The following SNTB1 variants were observed in gnomAD, a reference collection of about 807,000 sequenced individuals.
SNTB1 encodes the protein beta-1-syntrophin.
A neutral mutation model predicts 48.9 loss-of-function variants in SNTB1; 36 were observed. The ratio of observed to expected loss-of-function variants is 0.74; its 90% CI spans 0.56 to 0.97. SNTB1 has a LOEUF of 0.97. Ranked by LOEUF, SNTB1 falls within the 50% of genes least tolerant of loss-of-function variation. The probability of loss-of-function intolerance (pLI) is 0.00; values close to 1 mark genes in which losing one functional copy is unlikely to be tolerated. For missense variants in SNTB1, 786 were observed against 703.4 expected, an observed-to-expected ratio of 1.12 and a Z score of -1.33; for synonymous variants, 299 against 294.6, an observed-to-expected ratio of 1.01 and a Z score of -0.15.
intron 4 of SNTB1, among the ~76,000 whole-genome samples, chr8:120,566,965 G>C (rs1815759892): frequency 6.6e-6 from 1 of 152,160 alleles, no homozygotes; most frequent in Non-Finnish European, 1.5e-5. Flanking sequence ...CCAATTCTAA[G>C]AGCCATGGAA....
intron 4 of SNTB1, among the ~76,000 whole-genome samples, chr8:120,551,740 A>C (rs894214780): frequency 6.6e-6 from 1 of 151,326 alleles, no homozygotes; most frequent in Non-Finnish European, 1.5e-5. Flanking sequence ...AAAAAAAAAA[A>C]AAAAAAAAAG....
At chr8:120,642,678 T>G (rs917075864) in intron 2 of SNTB1, among the ~76,000 whole-genome samples, 8 of 152,078 alleles carry the variant, frequency 5.3e-5, no homozygotes, top group African/African-American at 1.9e-4. Flanking sequence ...TTTGGGAGGC[T>G]GAAGTGGGAG....
chr8:120,634,154 A>G (rs1817029429), intron 2 of SNTB1, among the ~76,000 whole-genome samples: 1 of 152,188 alleles, frequency 6.6e-6, no homozygotes, highest in Non-Finnish European at 1.5e-5. Context: ...ATAAAGAAAA[A>G]AAACCCAATA....
chr8:120,616,619 G>A (rs1456468618), intron 3 of SNTB1, among the ~76,000 whole-genome samples: 1 of 151,846 alleles, frequency 6.6e-6, no homozygotes, highest in African/African-American at 2.4e-5. Flanking sequence ...GCCAGGCCTA[G>A]CTTGATTTTT....
chr8:120,795,207 T>C (rs911882770), intron 1 of SNTB1, among the ~76,000 whole-genome samples: 2 of 151,850 alleles, frequency 1.3e-5, no homozygotes, highest in African/African-American at 4.8e-5. Context: ...TTCAGTTGCA[T>C]AGGTATCAGA....
intron 1 of SNTB1, among the ~76,000 whole-genome samples, chr8:120,800,325 C>T (rs1195498923): frequency 6.6e-6 from 1 of 152,012 alleles, no homozygotes; most frequent in Admixed American, 6.6e-5. Context: ...AATTTCTCAC[C>T]AGTAACTCTG....
intron 5 of SNTB1, among the ~76,000 whole-genome samples, chr8:120,545,714 T>A (rs181076961): frequency 5.5e-4 from 83 of 152,286 alleles, no homozygotes; most frequent in African/African-American, 1.1e-3. Flanking sequence ...CCCAGCGAAG[T>A]AGGCGTTAGG....
In SNTB1 at chr8:120,538,666, T is replaced by C. The variant is rs1815235836; in HGVS notation, c.*211A>G. On this transcript the variant is annotated 3_prime_UTR_variant, in exon 7 of 7. Coordinates refer to ENST00000517992, the MANE Select transcript of SNTB1 (RefSeq NM_021021.4). ...CTTGTACTGTTCTAGAAAGTTTTAC[T>C]CTGATATTTCTCATGGTACTTTCGC... is the stretch of plus-strand genomic sequence containing the variant. The C allele has an allele frequency of 1.6e-6, 1 of 631,994 alleles. No homozygotes were observed. Among genetic ancestry groups the C allele is most frequent in the Non-Finnish European group, 3.0e-6 (1 of 338,512 alleles). 39.1% of individuals were successfully genotyped at this position (631,994 alleles called of 1,614,324 possible).
intron 6 of SNTB1, among the ~76,000 whole-genome samples, chr8:120,541,427 G>A (rs1221222227): frequency 5.9e-5 from 9 of 152,018 alleles, no homozygotes; most frequent in East Asian, 1.9e-4. Context: ...CTTCCCTGAC[G>A]GTAGGGACCA....
At chr8:120,789,389 G>T (rs1819985977) in intron 1 of SNTB1, among the ~76,000 whole-genome samples, 1 of 151,672 alleles carries the variant, frequency 6.6e-6, no homozygotes, top group African/African-American at 2.4e-5. Flanking sequence ...AAATAAAAAG[G>T]ATTAGAGCAG....
At chr8:120,692,313 C>G (rs961840518) in intron 2 of SNTB1, among the ~76,000 whole-genome samples, 4 of 152,130 alleles carry the variant, frequency 2.6e-5, no homozygotes, top group African/African-American at 7.2e-5. Context: ...TCCCCATGAG[C>G]AACTCTGAGC....
chr8:120,644,037 G>A (rs1486427153), intron 2 of SNTB1, among the ~76,000 whole-genome samples: 1 of 152,130 alleles, frequency 6.6e-6, no homozygotes, highest in South Asian at 2.1e-4. Context: ...CCACCATAGA[G>A]AAGCTTTCAG....
intron 4 of SNTB1, among the ~76,000 whole-genome samples, chr8:120,572,865 A>G (rs569435714): frequency 6.6e-6 from 1 of 152,342 alleles, no homozygotes; most frequent in East Asian, 1.9e-4. Flanking sequence ...CAGTGCGCCA[A>G]GATAGCACCA....
chr8:120,593,354 TCCATTCTGTCTCAGCA>T (rs1467132895), intron 3 of SNTB1, among the ~76,000 whole-genome samples: 27 of 152,326 alleles, frequency 1.8e-4, no homozygotes, highest in South Asian at 8.3e-4. Flanking sequence ...TCTTCTGCCT[TCCATTCTGTCTCAGCA>T]CCCTCGGGTC....
At chr8:120,795,829 G>A (rs1820111174) in intron 1 of SNTB1, among the ~76,000 whole-genome samples, 1 of 151,988 alleles carries the variant, frequency 6.6e-6, no homozygotes, top group South Asian at 2.1e-4. Context: ...TCCTTGGCTT[G>A]TAGATGCATC....
At chr8:120,551,400 C>T (rs115604124) in intron 4 of SNTB1, among the ~76,000 whole-genome samples, 219 of 152,170 alleles carry the variant, frequency 1.4e-3, no homozygotes, top group African/African-American at 4.8e-3. Context: ...GCACAGCTGT[C>T]AGACTGCATG....
At chr8:120,609,235 A>G (rs1816577923) in intron 3 of SNTB1, among the ~76,000 whole-genome samples, 1 of 152,238 alleles carries the variant, frequency 6.6e-6, no homozygotes, top group Admixed American at 6.5e-5. Flanking sequence ...AATATCTTAA[A>G]AACTAGACAA....
chr8:120,768,226 G>A (rs1158472685), intron 1 of SNTB1, among the ~76,000 whole-genome samples: 1 of 152,132 alleles, frequency 6.6e-6, no homozygotes, highest in African/African-American at 2.4e-5. Flanking sequence ...AGTCTCCTAT[G>A]GAATGCATTG....
At chr8:120,667,931 G>T (rs994559004) in intron 2 of SNTB1, among the ~76,000 whole-genome samples, 6 of 152,162 alleles carry the variant, frequency 3.9e-5, no homozygotes, top group African/African-American at 1.4e-4. Context: ...CCCACTGGCA[G>T]GACAGGCATT....
Sources: allele counts gnomAD v4.1 joint callset (sites outside exome capture counted in the v4.1 genomes callset), GRCh38; gene constraint gnomAD v4.1.1; transcripts MANE v1.5; gene names NCBI Gene and HGNC (gene_info 2026-07-23, HGNC 2026-07-21).